GSE1: variants seen among roughly 807,000 people sequenced by gnomAD.
GSE1 encodes the protein Gse1 coiled-coil protein.
In GSE1, 32 loss-of-function variants were observed where a neutral mutation model predicts 112.6. The observed-to-expected ratio is 0.28, with a 90% CI of 0.21 to 0.38. The LOEUF (loss-of-function observed/expected upper bound fraction) is 0.38. Ranked by LOEUF, GSE1 falls within the 10% of genes least tolerant of loss-of-function variation. GSE1 has a pLI of 1.00. For missense variants in GSE1, 2,348 were observed against 1,699.2 expected (o/e 1.38, Z -6.71); for synonymous variants, 1,115 against 735.6 (o/e 1.52, Z -8.35).
At chr16:85,640,724 CCT>C (rs1454425996) in intron 2 of GSE1, among the ~76,000 whole-genome samples, 2 of 152,256 alleles carry the variant, frequency 1.3e-5, no homozygotes, top group Non-Finnish European at 2.9e-5. Flanking sequence ...CGGAAATCTG[CCT>C]CTCAAAGAAA....
chr16:85,276,150 T>A (rs1909337303), intron 1 of GSE1, among the ~76,000 whole-genome samples: 1 of 152,214 alleles, frequency 6.6e-6, no homozygotes, highest in African/African-American at 2.4e-5. Context: ...TTGCCTAAGG[T>A]CACACAGCTG....
chr16:85,646,899 G>A (rs561309989), intron 2 of GSE1, among the ~76,000 whole-genome samples: 4 of 151,970 alleles, frequency 2.6e-5, no homozygotes, highest in Non-Finnish European at 4.4e-5. Flanking sequence ...ACAAGGGGGG[G>A]GGTGGGGGCT....
intron 1 of GSE1, among the ~76,000 whole-genome samples, chr16:85,301,194 T>G (rs535427011): frequency 6.6e-6 from 1 of 152,172 alleles, no homozygotes; most frequent in Non-Finnish European, 1.5e-5. Context: ...GCAGGCATGT[T>G]TATGGTTAAA....
intron 1 of GSE1, among the ~76,000 whole-genome samples, chr16:85,211,318 T>G (rs1258394489): frequency 2.6e-5 from 4 of 152,020 alleles, no homozygotes; most frequent in Admixed American, 6.6e-5. Context: ...TTTTGTTTTT[T>G]TTTTTTAAGG....
intron 1 of GSE1, among the ~76,000 whole-genome samples, chr16:85,222,626 A>G (rs910776608): frequency 1.3e-5 from 2 of 152,224 alleles, no homozygotes; most frequent in Non-Finnish European, 2.9e-5. Context: ...AAATTTGGAA[A>G]TCGTAATGAA....
intron 2 of GSE1, among the ~76,000 whole-genome samples, chr16:85,382,182 G>C (rs1388479315): frequency 6.6e-6 from 1 of 152,140 alleles, no homozygotes; most frequent in Non-Finnish European, 1.5e-5. Context: ...TGGGGCCCGG[G>C]GCTCGCTCAG....
intron 2 of GSE1, among the ~76,000 whole-genome samples, chr16:85,456,893 T>G (rs576297818): frequency 6.6e-6 from 1 of 152,174 alleles, no homozygotes; most frequent in South Asian, 2.1e-4. Flanking sequence ...GGCTGTGTTT[T>G]CAAAGAAGAT....
chr16:85,478,841 TTCTTTCTTTCTTTCTTTCTTTC>T (rs1429289751), intron 2 of GSE1, among the ~76,000 whole-genome samples: 13 of 12,702 alleles, frequency 1.0e-3, no homozygotes, highest in Admixed American at 2.3e-3. Flanking sequence ...CTCATTTATT[TTCTTTCTTTCTTTCTTTCTTTC>T]TTTCTTTCTT....
At chr16:85,334,224 G>A (rs1171417217) in intron 1 of GSE1, among the ~76,000 whole-genome samples, 1 of 152,174 alleles carries the variant, frequency 6.6e-6, no homozygotes, top group Non-Finnish European at 1.5e-5. Context: ...GACCTTGCAG[G>A]AGTCGAGCTG....
At position 85,668,438 on chromosome 16, in the gene GSE1, G is replaced by A. The variant is rs200722978; in HGVS notation, c.3415+14G>A. 79 of 1,535,456 alleles carry A rather than the reference G, an allele frequency of 5.1e-5. No individual in the cohort carries two copies. The East Asian group carries it at 1.6e-3, about 31-fold the overall frequency. ...AACACATAGAAGGTAAGGGGGTGCT[G>A]GGGAAGAGGGGGGAGGGGGTCAGGA... On this transcript the variant is annotated intron_variant, in intron 14 of 15. Transcript: ENST00000253458.
In GSE1 at chr16:85,280,238, C is replaced by T. The variant is rs8049402; in HGVS notation, c.2284-77225C>T. On this transcript the variant is annotated intron_variant, in intron 1 of 2. Transcript: ENST00000637419. ...GAGGTTTTGGGAAAAGTACACCCGGCCCCTGCTTTCCATTGGCCAGGTGAC... is the reference window on the plus strand; with the variant it reads ...GAGGTTTTGGGAAAAGTACACCCGGTCCCTGCTTTCCATTGGCCAGGTGAC... Among the ~76,000 whole-genome samples the T allele has an allele frequency of 4.9e-3, 745 of 152,268 alleles. 7 individuals carry two copies. The highest frequency in any genetic ancestry group is 0.017 in the African/African-American group (712 of 41,546).
At position 85,661,502 on chromosome 16, in the gene GSE1, C is replaced by T. The variant is rs776780958; in HGVS notation, c.1997C>T (p.Pro666Leu). ...GAGGGAGGGAGCCTGGAGCACCAGC[C>T]CTTCCTGCCCGGGCCCGGGCCCTTC... ...PREGGSLEHQ[P>L]FLPGPGPFLA... is the part of the protein sequence containing the mutation. Residue 666 changes from proline to leucine, a missense_variant, in exon 9 of 16, where the codon CCC becomes CTC. Transcript: ENST00000253458. 2.0e-5 allele frequency: 32 copies of T among 1,611,788 alleles called. No individual in the cohort carries two copies. The highest frequency in any genetic ancestry group is 1.7e-6 in the Non-Finnish European group (2 of 1,179,570).
At chr16:85,252,279 C>A (rs1372155124) in intron 1 of GSE1, among the ~76,000 whole-genome samples, 1 of 152,174 alleles carries the variant, frequency 6.6e-6, no homozygotes, top group Non-Finnish European at 1.5e-5. Flanking sequence ...CCCGGCCTGG[C>A]TCTTGAGGGA....
chr16:85,509,887 C>T (rs182559812), intron 2 of GSE1, among the ~76,000 whole-genome samples: 291 of 152,344 alleles, frequency 1.9e-3, no homozygotes, highest in African/African-American at 6.9e-3. Flanking sequence ...CTGATCCCTT[C>T]GTCCCCTGCA....
intron 1 of GSE1, among the ~76,000 whole-genome samples, chr16:85,301,911 T>G (rs2045536989): frequency 6.6e-6 from 1 of 152,230 alleles, no homozygotes. Context: ...TCAAGCCTTG[T>G]CTGGAAATCA....
chr16:85,636,949 T>C (rs1019156157), intron 2 of GSE1, among the ~76,000 whole-genome samples: 18 of 152,056 alleles, frequency 1.2e-4, no homozygotes, highest in Admixed American at 9.8e-4. Flanking sequence ...TGGTGCTACC[T>C]CCCCATCTGC....
upstream of GSE1, among the ~76,000 whole-genome samples, chr16:85,612,468 C>T (rs991322093): frequency 3.9e-5 from 6 of 152,224 alleles, no homozygotes; most frequent in Non-Finnish European, 7.4e-5. Flanking sequence ...GGCGGGCGAC[C>T]TCGCCTCTGA....
intron 2 of GSE1, among the ~76,000 whole-genome samples, chr16:85,508,534 G>A (rs1041568850): frequency 2.0e-5 from 3 of 152,182 alleles, no homozygotes; most frequent in Non-Finnish European, 4.4e-5. Context: ...GGTGAGAGGT[G>A]GTTGAGCTTC....
intron 2 of GSE1, among the ~76,000 whole-genome samples, chr16:85,635,121 G>A (rs1411605353): frequency 6.6e-6 from 1 of 152,214 alleles, no homozygotes; most frequent in Non-Finnish European, 1.5e-5. Context: ...GGGGACACCT[G>A]CCCTGACCAG....
Sources: allele counts gnomAD v4.1 joint callset (sites outside exome capture counted in the v4.1 genomes callset), GRCh38; gene constraint gnomAD v4.1.1; transcripts MANE v1.5; gene names NCBI Gene and HGNC (gene_info 2026-07-23, HGNC 2026-07-21).